Variants in UVSSA observed in about 807,000 individuals in gnomAD.
UVSSA encodes the protein UV stimulated scaffold protein A, also known as UV-stimulated scaffold protein A.
UVSSA carries 72 observed loss-of-function variants against 73.9 expected under a neutral mutation model. The observed-to-expected ratio is 0.97, with a 90% CI of 0.81 to 1.19. UVSSA has a LOEUF of 1.19. Ranked by LOEUF, UVSSA falls within the 50% of genes most tolerant of loss-of-function variation. UVSSA has a pLI of 0.00. For missense variants in UVSSA, 1,150 were observed against 965.0 expected, an observed-to-expected ratio of 1.19 and a Z score of -2.54; for synonymous variants, 454 against 391.3, an observed-to-expected ratio of 1.16 and a Z score of -1.89.
chr4:1,351,222 C>T (rs1000220791), intron 3 of UVSSA, among the ~76,000 whole-genome samples: 8 of 151,500 alleles, frequency 5.3e-5, no homozygotes, highest in Admixed American at 4.0e-4. Context: ...CCCCCCACCA[C>T]GCCCGGCTAA....
At chr4:1,351,512 A>G (rs1041190199) in intron 3 of UVSSA, among the ~76,000 whole-genome samples, 2 of 150,918 alleles carry the variant, frequency 1.3e-5, no homozygotes, top group African/African-American at 4.9e-5. Flanking sequence ...CAATCTCCCA[A>G]GTAGCTGGGA....
intron 8 of UVSSA, among the ~76,000 whole-genome samples, chr4:1,373,557 C>A (rs1232332132): frequency 6.6e-6 from 1 of 152,202 alleles, no homozygotes; most frequent in African/African-American, 2.4e-5. Flanking sequence ...TGTTAACCGT[C>A]TCGGGCCATG....
intron 10 of UVSSA, among the ~76,000 whole-genome samples, chr4:1,377,408 A>AC (rs1389258951): frequency 2.6e-5 from 4 of 152,024 alleles, no homozygotes; most frequent in African/African-American, 9.7e-5. Flanking sequence ...GGCTCCACAG[A>AC]CACCGCCCCT....
chr4:1,354,703 C>A (rs1181704428), intron 5 of UVSSA, 32 bp from the exon 6 acceptor site: 1 of 1,600,212 alleles, frequency 6.2e-7, no homozygotes, highest in Non-Finnish European at 8.5e-7. Context: ...CCAGTCGGCG[C>A]CCTCTTGTGA....
rs1002165863 is a variant in UVSSA, at chr4:1,348,135, C to A, written c.44C>A (p.Ser15Ter). ...LSKLVEELTT[S>*]GEPRLNPEKM... The stretch of plus-strand genomic sequence containing the variant: ...AAGTTGGTAGAAGAGCTCACAACTT[C>A]AGGAGAACCCCGACTAAATCCTGAG... The change falls in exon 2 of 14, where the codon TCA becomes TAA. Residue 15 changes from serine to a stop codon, truncating the protein, a stop_gained. Coordinates refer to ENST00000389851, the MANE Select transcript of UVSSA (RefSeq NM_020894.4). LOFTEE classifies it high-confidence loss of function. 9 of 1,613,768 alleles carry A rather than the reference C, an allele frequency of 5.6e-6. No individual in the cohort carries two copies. The South Asian group carries it at 6.6e-5, about 12-fold the overall frequency.
At chr4:1,377,051 A>G (rs1211564013) in intron 10 of UVSSA, among the ~76,000 whole-genome samples, 3 of 152,220 alleles carry the variant, frequency 2.0e-5, no homozygotes, top group Admixed American at 6.5e-5. Flanking sequence ...CGTAACCACT[A>G]AAGCCAATGC....
chr4:1,379,711 C>G (rs141448203), intron 10 of UVSSA, among the ~76,000 whole-genome samples: 3,205 of 151,398 alleles, frequency 0.021, 50 homozygotes, highest in Non-Finnish European at 0.032. Context: ...ATAGGGAGAG[C>G]CCATCTTGCA....
exon 14 of UVSSA, chr4:1,394,972 G>A (rs751005879): frequency 2.5e-6 from 4 of 1,579,200 alleles, no homozygotes; most frequent in Admixed American, 3.5e-5. Context: ...GTGCCCATGC[G>A]GAGTGCCCGC....
At position 1,349,728 on chromosome 4, in the gene UVSSA, C is replaced by T. The variant is rs764457551; in HGVS notation, c.303C>T (p.Pro101=). 1.4e-5 allele frequency: 23 copies of T among 1,613,524 alleles called. No individual in the cohort carries two copies. The highest frequency in any genetic ancestry group is 1.9e-5 in the Non-Finnish European group (22 of 1,179,824). Residue 101 remains proline, a synonymous_variant, in exon 3 of 14, where the codon CCC becomes CCT. Transcript: ENST00000389851. ...CAGACCCCGCACAGCCTCTGCCGCC[C>T]CCCAGGGAGGCGGCACAGAGGCTGA... is the stretch of plus-strand genomic sequence containing the variant. The part of the protein sequence containing the change: ...LGTDPAQPLP[P]PREAAQRLRQ...
intron 7 of UVSSA, among the ~76,000 whole-genome samples, chr4:1,357,409 C>G (rs971462067): frequency 7.9e-5 from 12 of 152,272 alleles, no homozygotes; most frequent in African/African-American, 2.7e-4. Flanking sequence ...TCTGGAATGC[C>G]TGGTGCTACC....
At chr4:1,383,715 G>A in intron 12 of UVSSA, 51 bp from the exon 13 acceptor site, 3 of 1,606,904 alleles carry the variant, frequency 1.9e-6, no homozygotes, top group East Asian at 2.2e-5. Flanking sequence ...TCGGGTAAGA[G>A]GCTCTGGTCA....
At position 1,387,783 on chromosome 4, in the gene UVSSA, C is replaced by A. The variant is rs1720250124; in HGVS notation, c.*1822C>A. ...CAGGCTTATTTCTGGGCACTTGACT[C>A]TATTCCATTGACCTGTTTAACCTTA... On this transcript the variant is annotated 3_prime_UTR_variant, in exon 14 of 14. Transcript: ENST00000389851. 6.6e-6 allele frequency: 1 copy of A among 152,212 alleles called. No individual in the cohort carries two copies. The highest frequency in any genetic ancestry group is 2.1e-4 in the South Asian group (1 of 4,836). The allele number at this position is 152,212 out of a possible 1,614,324, so 9.4% of individuals were successfully genotyped here. A position where few individuals can be genotyped will look rare whatever the true frequency, so the allele number is the denominator to read the frequency against.
At chr4:1,358,026 C>T (rs1173240375) in intron 7 of UVSSA, 2 of 152,330 alleles carry the variant, frequency 1.3e-5, no homozygotes, top group Non-Finnish European at 2.9e-5. Flanking sequence ...ACATGAGCAT[C>T]TCACGCCCCA....
At chr4:1,350,480 A>G (rs1367523672) in intron 3 of UVSSA, among the ~76,000 whole-genome samples, 2 of 152,236 alleles carry the variant, frequency 1.3e-5, no homozygotes, top group Non-Finnish European at 2.9e-5. Context: ...TCCTGGGTCC[A>G]GTCAGCAGCC....
exon 14 of UVSSA, chr4:1,394,679 C>T: frequency 6.3e-7 from 1 of 1,593,020 alleles, no homozygotes; most frequent in Non-Finnish European, 8.6e-7. Flanking sequence ...CCCGCCTGCT[C>T]ACACGTGCCC....
At chr4:1,366,196 G>A (rs1717301279) in intron 7 of UVSSA, 124 bp from the exon 8 acceptor site, 5 of 751,928 alleles carry the variant, frequency 6.6e-6, no homozygotes, top group Non-Finnish European at 1.1e-5. Flanking sequence ...CGTGGCTGAT[G>A]TTGGAGCCCT....
chr4:1,346,334 G>A (rs981523074), upstream of UVSSA, among the ~76,000 whole-genome samples: 8 of 152,054 alleles, frequency 5.3e-5, no homozygotes, highest in Non-Finnish European at 1.5e-5. Context: ...AGCCCAGTCG[G>A]GCGTCTGCTC....
chr4:1,368,233 C>T (rs115185920), intron 8 of UVSSA, among the ~76,000 whole-genome samples: 3,591 of 152,370 alleles, frequency 0.024, 54 homozygotes, highest in Non-Finnish European at 0.036. Flanking sequence ...CATTTCCTGG[C>T]CTTGGGCCTC....
exon 14 of UVSSA, chr4:1,394,635 G>C (rs773437081): frequency 2.0e-6 from 3 of 1,515,360 alleles, no homozygotes; most frequent in Admixed American, 3.7e-5. Flanking sequence ...TCGATGCGGA[G>C]TGCCCGCCTG....
Sources: allele counts gnomAD v4.1 joint callset (sites outside exome capture counted in the v4.1 genomes callset), GRCh38; gene constraint gnomAD v4.1.1; transcripts MANE v1.5; gene names NCBI Gene and HGNC (gene_info 2026-07-23, HGNC 2026-07-21).